SPICE1: variants seen among roughly 807,000 people sequenced by gnomAD.
SPICE1 encodes spindle and centriole-associated protein 1.
SPICE1 carries 75 observed loss-of-function variants against 102.7 expected under a neutral mutation model. The ratio of observed to expected loss-of-function variants is 0.73; its 90% CI spans 0.61 to 0.88. SPICE1 has a LOEUF of 0.88. Among genes scored for constraint, SPICE1 ranks in the 40% least tolerant of loss-of-function variants. SPICE1 has a pLI of 0.00. For synonymous variants in SPICE1, 308 were observed against 350.3 expected, an observed-to-expected ratio of 0.88 and a Z score of 1.35; for missense variants, 979 against 1,020.1, an observed-to-expected ratio of 0.96 and a Z score of 0.55.
At chr3:113,450,314 A>G (rs1935615773) in intron 15 of SPICE1, 22 bp downstream of exon 15, 9 of 1,613,332 alleles carry the variant, frequency 5.6e-6, no homozygotes, top group Non-Finnish European at 7.6e-6. Flanking sequence ...TCTAGTTTTT[A>G]AATCATGAAT....
At chr3:113,452,902 C>T (rs1343765599) in intron 14 of SPICE1, among the ~76,000 whole-genome samples, 3 of 151,960 alleles carry the variant, frequency 2.0e-5, no homozygotes, top group African/African-American at 4.8e-5. Flanking sequence ...CACTTGAACC[C>T]GGGAGGCAGA....
At chr3:113,465,426 GT>G (rs1196264157) in intron 11 of SPICE1, among the ~76,000 whole-genome samples, 2 of 152,188 alleles carry the variant, frequency 1.3e-5, no homozygotes, top group Non-Finnish European at 2.9e-5. Flanking sequence ...CCACTAAATA[GT>G]AAGTCTCTTG....
At chr3:113,491,485 C>T (rs1419583987) in intron 6 of SPICE1, among the ~76,000 whole-genome samples, 5 of 151,584 alleles carry the variant, frequency 3.3e-5, no homozygotes, top group African/African-American at 1.2e-4. Context: ...ATTAGCCGGG[C>T]ATGGTGGCAG....
Position 113,505,509 on chromosome 3 carries a change from G to C in SPICE1, c.99+998C>G, listed in dbSNP as rs150173402. On this transcript the variant is annotated intron_variant, in intron 2 of 17. Transcript: ENST00000295872. The stretch of plus-strand genomic sequence containing the variant: ...AAACAAGAAGATTCCAAGTCCAAAA[G>C]AATCCCTGAGATCCAAACTAATCCC... 2.3e-3 allele frequency among the ~76,000 whole-genome samples: 350 copies of C among 152,162 alleles called. 1 individual carries two copies. In the Middle Eastern group the frequency reaches 0.031, roughly 13 times the overall value.
Position 113,482,464 on chromosome 3 carries a change from T to C in SPICE1, c.611+6481A>G, listed in dbSNP as rs573482169. Among the ~76,000 whole-genome samples, 8 of 152,346 alleles carry C rather than the reference T, an allele frequency of 5.3e-5. No individual in the cohort carries two copies. The South Asian group carries it at 1.4e-3, about 28-fold the overall frequency. On this transcript the variant is annotated intron_variant, in intron 7 of 17. Transcript: ENST00000295872. ...TTTGTTGCCGTTGCTTTTGGAGTTT[T>C]AGACCTGAAGCCTTTGTGTATGCCT...
At chr3:113,506,250 A>T (rs1040691302) in intron 2 of SPICE1, among the ~76,000 whole-genome samples, 1 of 152,180 alleles carries the variant, frequency 6.6e-6, no homozygotes, top group Non-Finnish European at 1.5e-5. Context: ...TTTTTAAAAT[A>T]TGCTCCCCAT....
rs1448125026 is a variant in SPICE1, at chr3:113,494,036, T to A, written c.385+13A>T. 1 of 1,576,780 alleles carries A rather than the reference T, an allele frequency of 6.3e-7. No homozygotes were observed. The highest frequency in any genetic ancestry group is 2.2e-5 in the East Asian group (1 of 44,682). On this transcript the variant is annotated intron_variant, in intron 5 of 17. Coordinates refer to ENST00000295872, the MANE Select transcript of SPICE1 (RefSeq NM_144718.4). The stretch of plus-strand genomic sequence containing the variant: ...GTTAATAAAATAGAGAAGCTTTTGT[T>A]TGAATTGAATACCTGTGCGCCTACG...
At chr3:113,476,651 C>T (rs1183951088) in intron 7 of SPICE1, among the ~76,000 whole-genome samples, 1 of 150,328 alleles carries the variant, frequency 6.7e-6, no homozygotes, top group Non-Finnish European at 1.5e-5. Context: ...ACTATCTGAT[C>T]TTTGACAAAC....
chr3:113,491,121 C>A (rs1936754067), intron 6 of SPICE1, among the ~76,000 whole-genome samples: 1 of 152,200 alleles, frequency 6.6e-6, no homozygotes, highest in Non-Finnish European at 1.5e-5. Flanking sequence ...GTCTCTCTAA[C>A]CTCAACTCCT....
intron 14 of SPICE1, among the ~76,000 whole-genome samples, chr3:113,451,700 T>C (rs1002456321): frequency 2.0e-5 from 3 of 152,190 alleles, no homozygotes; most frequent in African/African-American, 7.2e-5. Context: ...TGCCTCCCAG[T>C]GACTCAAAAT....
At chr3:113,452,037 A>C (rs1935665069) in intron 14 of SPICE1, among the ~76,000 whole-genome samples, 1 of 152,216 alleles carries the variant, frequency 6.6e-6, no homozygotes. Context: ...CCTTGGCTCT[A>C]GAAGGGGTAA....
intron 11 of SPICE1, among the ~76,000 whole-genome samples, chr3:113,462,006 T>C (rs2107456772): frequency 6.6e-6 from 1 of 152,334 alleles, no homozygotes; most frequent in Admixed American, 6.5e-5. Context: ...GTTTACCTCA[T>C]AAATGGCAAC....
chr3:113,508,691 A>G (rs1937160138), intron 1 of SPICE1, among the ~76,000 whole-genome samples: 1 of 152,218 alleles, frequency 6.6e-6, no homozygotes, highest in Non-Finnish European at 1.5e-5. Flanking sequence ...CTTTGGAAAC[A>G]GCTGGCAATT....
intron 7 of SPICE1, among the ~76,000 whole-genome samples, chr3:113,475,720 G>C (rs1014083387): frequency 6.6e-6 from 1 of 152,110 alleles, no homozygotes; most frequent in Non-Finnish European, 1.5e-5. Context: ...AAAGGCCTTT[G>C]ACAAAATTCA....
At chr3:113,453,236 C>A (rs1935697586) in intron 14 of SPICE1, among the ~76,000 whole-genome samples, 1 of 152,168 alleles carries the variant, frequency 6.6e-6, no homozygotes, top group Admixed American at 6.5e-5. Context: ...CGCATTTTAT[C>A]TTTGTCCTAT....
intron 11 of SPICE1, among the ~76,000 whole-genome samples, chr3:113,461,486 CAGA>C (rs1179568128): frequency 1.3e-5 from 2 of 151,922 alleles, no homozygotes; most frequent in African/African-American, 4.8e-5. Flanking sequence ...ACAGATTGCC[CAGA>C]AGGTTAGATG....
chr3:113,476,322 G>T (rs908631391), intron 7 of SPICE1, among the ~76,000 whole-genome samples: 1 of 151,308 alleles, frequency 6.6e-6, no homozygotes, highest in Non-Finnish European at 1.5e-5. Context: ...ATGCTCATGG[G>T]TAGGAAGAAT....
intron 3 of SPICE1, among the ~76,000 whole-genome samples, chr3:113,501,673 T>C (rs556177596): frequency 6.6e-5 from 10 of 152,256 alleles, no homozygotes; most frequent in African/African-American, 1.9e-4. Flanking sequence ...ATGCTTAACA[T>C]CCTTTATCAA....
At chr3:113,506,395 C>A in intron 2 of SPICE1, 112 bp downstream of exon 2, 1 of 826,218 alleles carries the variant, frequency 1.2e-6, no homozygotes, top group Non-Finnish European at 2.0e-6. Context: ...CTATTCCACC[C>A]TATTACGTGA....
Sources: allele counts gnomAD v4.1 joint callset (sites outside exome capture counted in the v4.1 genomes callset), GRCh38; gene constraint gnomAD v4.1.1; transcripts MANE v1.5; gene names NCBI Gene and HGNC (gene_info 2026-07-23, HGNC 2026-07-21).